GRB2: variants seen among roughly 807,000 people sequenced by gnomAD.
The protein encoded by GRB2 is growth factor receptor-bound protein 2.
In GRB2, 2 loss-of-function variants were observed where a neutral mutation model predicts 27.4. The ratio of observed to expected loss-of-function variants is 0.07; its 90% CI spans 0.03 to 0.23. The LOEUF is 0.23. Among genes scored for constraint, GRB2 ranks in the 10% least tolerant of loss-of-function variants. The pLI is 1.00. For synonymous variants in GRB2, 94 were observed against 99.6 expected (o/e 0.94, Z 0.33); for missense variants, 102 against 282.4 (o/e 0.36, Z 4.58).
chr17:75,364,271 T>G (rs967519373), intron 2 of GRB2, among the ~76,000 whole-genome samples: 20 of 152,308 alleles, frequency 1.3e-4, no homozygotes, highest in African/African-American at 4.6e-4. Flanking sequence ...GTGGCTGTGG[T>G]TTTATTACAT....
intron 2 of GRB2, among the ~76,000 whole-genome samples, chr17:75,335,092 C>T (rs1188584581): frequency 2.0e-5 from 3 of 152,128 alleles, no homozygotes; most frequent in Admixed American, 2.0e-4. Context: ...GTGTGAGCCA[C>T]TGCGATTGGC....
At chr17:75,372,876 C>T (rs2078865028) in intron 2 of GRB2, 1 of 152,148 alleles carries the variant, frequency 6.6e-6, no homozygotes, top group Non-Finnish European at 1.5e-5. Context: ...TAACATCTTC[C>T]ACAGAAACAC....
intron 2 of GRB2, among the ~76,000 whole-genome samples, chr17:75,340,239 T>G (rs2078611883): frequency 6.6e-6 from 1 of 152,166 alleles, no homozygotes; most frequent in African/African-American, 2.4e-5. Flanking sequence ...TGTGAGAACA[T>G]TTGTGCATGA....
intron 3 of GRB2, 108 bp from the exon 4 acceptor site, chr17:75,326,128 T>TC: frequency 8.0e-7 from 1 of 1,245,660 alleles, no homozygotes; most frequent in Non-Finnish European, 1.2e-6. Flanking sequence ...GGAAGGGGCC[T>TC]CCCTCCTCAT....
intron 4 of GRB2, among the ~76,000 whole-genome samples, chr17:75,324,507 G>GTTTTTTTTT (rs767194304): frequency 0.02 from 738 of 36,568 alleles, 45 homozygotes; most frequent in East Asian, 0.064. Context: ...ACCGCACCCA[G>GTTTTTTTTT]TTTTTTTTTT....
intron 2 of GRB2, among the ~76,000 whole-genome samples, chr17:75,340,769 TAC>T (rs1248711299): frequency 6.6e-6 from 1 of 152,196 alleles, no homozygotes; most frequent in Non-Finnish European, 1.5e-5. Context: ...CTCCATCTGT[TAC>T]AGTTTTTCTG....
At chr17:75,342,507 C>T (rs2078627955) in intron 2 of GRB2, among the ~76,000 whole-genome samples, 1 of 152,032 alleles carries the variant, frequency 6.6e-6, no homozygotes, top group Admixed American at 6.6e-5. Context: ...TAGGCTCAAG[C>T]GATCCTCCCA....
chr17:75,357,036 A>G (rs2078738247), intron 2 of GRB2, among the ~76,000 whole-genome samples: 1 of 152,098 alleles, frequency 6.6e-6, no homozygotes, highest in Non-Finnish European at 1.5e-5. Flanking sequence ...TTTTACCACC[A>G]TCATTCTGAT....
chr17:75,347,914 T>C (rs563654649), intron 2 of GRB2, among the ~76,000 whole-genome samples: 2 of 152,352 alleles, frequency 1.3e-5, no homozygotes, highest in South Asian at 4.1e-4. Context: ...ATATGTCTTT[T>C]GGAATGCATT....
intron 2 of GRB2, among the ~76,000 whole-genome samples, chr17:75,358,861 C>T (rs1192118463): frequency 8.3e-5 from 10 of 121,164 alleles, no homozygotes; most frequent in South Asian, 2.7e-4. Context: ...TCCAGCATGG[C>T]GACAGGGCAA....
intron 2 of GRB2, among the ~76,000 whole-genome samples, chr17:75,388,132 G>A (rs546531717): frequency 6.6e-5 from 10 of 151,860 alleles, no homozygotes; most frequent in East Asian, 3.9e-4. Context: ...AGTCTCTCTC[G>A]GTTGCCCAGG....
chr17:75,324,461 C>T (rs1430039980), intron 4 of GRB2, among the ~76,000 whole-genome samples: 3 of 141,558 alleles, frequency 2.1e-5, no homozygotes, highest in East Asian at 2.1e-4. Flanking sequence ...CTGCCTGCCT[C>T]GGCCTCCCAA....
chr17:75,367,987 A>G (rs997566438), intron 2 of GRB2, among the ~76,000 whole-genome samples: 2 of 151,640 alleles, frequency 1.3e-5, no homozygotes, highest in Admixed American at 1.3e-4. Flanking sequence ...AGTTCAAGCG[A>G]TTCTCATGCC....
At chr17:75,368,536 T>C (rs1224059749) in intron 2 of GRB2, among the ~76,000 whole-genome samples, 1 of 150,446 alleles carries the variant, frequency 6.6e-6, no homozygotes, top group Non-Finnish European at 1.5e-5. Flanking sequence ...GTTTTTTTTT[T>C]TGTTGTTTTT....
intron 4 of GRB2, among the ~76,000 whole-genome samples, chr17:75,324,429 C>T (rs1404554388): frequency 6.0e-5 from 8 of 133,434 alleles, no homozygotes; most frequent in Admixed American, 5.7e-4. Context: ...AGGCTGGTCT[C>T]GAACTTCTGA....
At chr17:75,383,017 T>G (rs770696015) in intron 2 of GRB2, among the ~76,000 whole-genome samples, 7 of 152,116 alleles carry the variant, frequency 4.6e-5, no homozygotes, top group Non-Finnish European at 5.9e-5. Context: ...CCGGCATCCT[T>G]AAGATTTTTA....
In GRB2 at chr17:75,354,419, C is replaced by A. The variant is rs1039886539; in HGVS notation, c.79-21622G>T. Among the ~76,000 whole-genome samples the A allele has an allele frequency of 3.2e-4, 48 of 152,150 alleles. 1 individual carries two copies. Among genetic ancestry groups the A allele is most frequent in the African/African-American group, 1.1e-3 (46 of 41,442 alleles). ...CTGGGATTACAGGTGCCTGCCACCACAACCGGCTAATTTTTCTATTTTTAG... is the reference window on the plus strand; with the variant it reads ...CTGGGATTACAGGTGCCTGCCACCAAAACCGGCTAATTTTTCTATTTTTAG... On this transcript the variant is annotated intron_variant, in intron 2 of 5. Transcript: ENST00000316804.
chr17:75,331,189 T>C (rs145688398), intron 3 of GRB2, among the ~76,000 whole-genome samples: 1 of 152,338 alleles, frequency 6.6e-6, no homozygotes, highest in East Asian at 1.9e-4. Context: ...GTTAGCAATA[T>C]GGTAGACCTG....
At chr17:75,355,499 C>T (rs1292673122) in intron 2 of GRB2, among the ~76,000 whole-genome samples, 4 of 149,900 alleles carry the variant, frequency 2.7e-5, no homozygotes, top group Non-Finnish European at 5.9e-5. Context: ...TTATCCATCA[C>T]ATAAATCGGG....
Sources: gnomAD v4.1 joint callset for allele counts (sites outside exome capture counted in the v4.1 genomes callset) on GRCh38, gnomAD v4.1.1 for gene constraint, MANE v1.5 for transcripts, NCBI Gene and HGNC (gene_info 2026-07-23, HGNC 2026-07-21) for gene names.